Variants in FGF13 observed in about 807,000 individuals in gnomAD.
FGF13 encodes fibroblast growth factor 13.
In FGF13, 2 loss-of-function variants were observed where a neutral mutation model predicts 19.5. The ratio of observed to expected loss-of-function variants is 0.10; its 90% confidence interval spans 0.04 to 0.32. The LOEUF is 0.32. Ranked by LOEUF, FGF13 falls within the 10% of genes least tolerant of loss-of-function variation. The probability of loss-of-function intolerance (pLI) is 1.00; values close to 1 mark genes in which losing one functional copy is unlikely to be tolerated. For synonymous variants in FGF13, 72 were observed against 76.9 expected (o/e 0.94, Z 0.33); for missense variants, 113 against 192.7 (o/e 0.59, Z 2.45).
chrX:139,017,470 G>T (rs775033043), intron 1 of FGF13, among the ~76,000 whole-genome samples: 4 of 109,721 alleles, frequency 3.6e-5, no homozygotes, highest in African/African-American at 1.0e-4. Context: ...TATGAATGGA[G>T]ACAATAGAAA....
downstream of FGF13, among the ~76,000 whole-genome samples, chrX:138,854,405 A>G (rs2091244787): frequency 9.0e-6 from 1 of 111,536 alleles, no homozygotes; most frequent in African/African-American, 3.2e-5. Context: ...GTATTATTTT[A>G]TATGGATTCT....
chrX:139,014,728 T>G (rs1033124999), intron 1 of FGF13, among the ~76,000 whole-genome samples: 4 of 111,522 alleles, frequency 3.6e-5, no homozygotes, highest in African/African-American at 9.8e-5. Context: ...AAGGCTGGTA[T>G]TATCCTGATA....
At chrX:138,721,310 C>A (rs1432368411) in intron 1 of FGF13, among the ~76,000 whole-genome samples, 1 of 111,641 alleles carries the variant, frequency 9.0e-6, no homozygotes, top group East Asian at 2.8e-4. Context: ...GCCAGTAATT[C>A]ATCTATATAG....
chrX:138,978,484 G>C lies in FGF13; in HGVS notation c.-112-113834C>G, dbSNP rs909441879. 2.3e-3 allele frequency among the ~76,000 whole-genome samples: 259 copies of C among 110,493 alleles called. 1 individual carries two copies. The highest frequency in any genetic ancestry group is 7.1e-3 in the African/African-American group (217 of 30,399). On this transcript the variant is annotated intron_variant, in intron 1 of 2. Coordinates refer to the FGF13 transcript ENST00000421460. The stretch of plus-strand genomic sequence containing the variant: ...TCACCGTGTTAGCCAAGATGGTCTC[G>C]ATCTCCTGACCTCGTGATCCGCCCG...
chrX:138,672,454 A>G (rs2089623688), intron 3 of FGF13, among the ~76,000 whole-genome samples: 1 of 111,961 alleles, frequency 8.9e-6, no homozygotes, highest in South Asian at 3.7e-4. Context: ...GTGTCATGTC[A>G]GAGACAGAGA....
intron 1 of FGF13, among the ~76,000 whole-genome samples, chrX:139,023,660 G>A (rs929509675): frequency 1.1e-4 from 12 of 111,627 alleles, no homozygotes; most frequent in Non-Finnish European, 2.1e-4. Context: ...AGCATGAGAA[G>A]ATTGGTTAAG....
chrX:139,085,258 C>A (rs191430983), intron 1 of FGF13, among the ~76,000 whole-genome samples: 40 of 111,968 alleles, frequency 3.6e-4, no homozygotes, highest in Middle Eastern at 4.6e-3. Flanking sequence ...GGATCTAGAA[C>A]CCAAAAGACC....
chrX:138,763,315 G>T (rs1478849670), intron 3 of FGF13, among the ~76,000 whole-genome samples: 1 of 110,395 alleles, frequency 9.1e-6, no homozygotes, highest in East Asian at 2.8e-4. Context: ...TATATATGGA[G>T]GGGTTTCCCC....
intron 1 of FGF13, among the ~76,000 whole-genome samples, chrX:139,057,908 A>G (rs1323000880): frequency 8.9e-6 from 1 of 111,848 alleles, no homozygotes; most frequent in Non-Finnish European, 1.9e-5. Flanking sequence ...AAAAGGACAG[A>G]AGAAATTCTG....
At chrX:138,642,324 A>T (rs1431863045) in intron 3 of FGF13, among the ~76,000 whole-genome samples, 1 of 112,024 alleles carries the variant, frequency 8.9e-6, no homozygotes. Context: ...AATAATCCTG[A>T]CATAGGCAAG....
rs779594187 is a variant in FGF13, at chrX:138,629,287, T to G, written c.*3563A>C. On this transcript the variant is annotated 3_prime_UTR_variant, in exon 5 of 5. Coordinates refer to ENST00000315930, the MANE Select transcript of FGF13 (RefSeq NM_004114.5). ...CAGCATTTGTAAAAGTTAAACAGAT[T>G]TCTTTAACACAAGACTTTTCAGAAA... The G allele has an allele frequency of 3.6e-5, 4 of 112,462 alleles. No homozygotes were observed. Among genetic ancestry groups the G allele is most frequent in the African/African-American group, 1.3e-4 (4 of 31,033 alleles). 9.3% of individuals were successfully genotyped at this position (112,462 alleles called of 1,213,427 possible).
chrX:138,897,206 C>T (rs1308278900), intron 1 of FGF13, among the ~76,000 whole-genome samples: 3 of 111,554 alleles, frequency 2.7e-5, no homozygotes, highest in African/African-American at 9.8e-5. Context: ...GATGGGGTTT[C>T]GCCATGTTGC....
intron 1 of FGF13, among the ~76,000 whole-genome samples, chrX:138,904,416 T>G: frequency 2.5e-5 from 1 of 40,140 alleles, no homozygotes; most frequent in Admixed American, 3.8e-4. Flanking sequence ...TTCGAATAGC[T>G]GTTATCTTCC....
At chrX:138,955,241 C>T (rs960982031) in intron 1 of FGF13, among the ~76,000 whole-genome samples, 8 of 112,802 alleles carry the variant, frequency 7.1e-5, no homozygotes, top group Non-Finnish European at 1.3e-4. Context: ...TCCATAGAGA[C>T]GGGAGGGAAC....
chrX:138,856,633 CAG>C (rs1287110936), downstream of FGF13, among the ~76,000 whole-genome samples: 1 of 112,017 alleles, frequency 8.9e-6, no homozygotes, highest in Non-Finnish European at 1.9e-5. Flanking sequence ...TAAACTGCCT[CAG>C]TGATATTTAA....
intron 3 of FGF13, among the ~76,000 whole-genome samples, chrX:138,667,521 C>T (rs770023143): frequency 1.8e-5 from 2 of 111,209 alleles, no homozygotes; most frequent in African/African-American, 6.5e-5. Flanking sequence ...AACATTCTTA[C>T]TGAACCTGAC....
At chrX:139,124,581 A>G (rs2083701817) in intron 1 of FGF13, among the ~76,000 whole-genome samples, 1 of 111,730 alleles carries the variant, frequency 9.0e-6, no homozygotes, top group African/African-American at 3.3e-5. Context: ...AAATGAAAAC[A>G]GCAGATCCTG....
chrX:139,099,305 G>A lies in FGF13; in HGVS notation c.-113+104111C>T, dbSNP rs186449792. Among the ~76,000 whole-genome samples, 10 of 103,097 alleles carry A rather than the reference G, an allele frequency of 9.7e-5. No individual in the cohort carries two copies. The East Asian group carries it at 2.8e-3, about 28-fold the overall frequency. 89.5% of individuals were successfully genotyped at this position (103,097 alleles called of 115,157 possible). ...TCTATTAAAAGCATGGCAACCTGTC[G>A]AGTTGCTATCCACAACTGGTTCTGT... On this transcript the variant is annotated intron_variant, in intron 1 of 2. Coordinates refer to the FGF13 transcript ENST00000421460.
chrX:139,160,318 A>C (rs1354147206), intron 1 of FGF13, among the ~76,000 whole-genome samples: 1 of 112,282 alleles, frequency 8.9e-6, no homozygotes, highest in Non-Finnish European at 1.9e-5. Flanking sequence ...ACGTAACACA[A>C]TCTGTAGGAC....
Sources: allele counts gnomAD v4.1 joint callset (sites outside exome capture counted in the v4.1 genomes callset), GRCh38; gene constraint gnomAD v4.1.1; transcripts MANE v1.5; gene names NCBI Gene and HGNC (gene_info 2026-07-23, HGNC 2026-07-21).